The following TTBK2 variants were observed in gnomAD, a reference collection of about 807,000 sequenced individuals.
TTBK2 encodes the protein tau-tubulin kinase 2.
Under a neutral mutation model 110.8 loss-of-function variants are expected in TTBK2, and 28 were observed. That is an observed-to-expected ratio of 0.25 (90% CI 0.19 to 0.35). TTBK2 has a LOEUF of 0.35. Among genes scored for constraint, TTBK2 ranks in the 10% least tolerant of loss-of-function variants. TTBK2 has a pLI of 1.00. For missense variants in TTBK2, 1,369 were observed against 1,500.3 expected (o/e 0.91, Z 1.45); for synonymous variants, 532 against 527.3 (o/e 1.01, Z -0.12).
At chr15:42,774,738 C>T (rs981461568) in intron 13 of TTBK2, among the ~76,000 whole-genome samples, 2 of 152,134 alleles carry the variant, frequency 1.3e-5, no homozygotes, top group Admixed American at 6.6e-5. Flanking sequence ...AGGCTCAGGC[C>T]TCCCAACAGT....
chr15:42,843,498 C>T (rs1004747090), intron 3 of TTBK2, among the ~76,000 whole-genome samples: 10 of 152,062 alleles, frequency 6.6e-5, no homozygotes, highest in African/African-American at 1.7e-4. Flanking sequence ...CAGTGGCTCA[C>T]GCCTGTAATC....
At chr15:42,823,915 T>A (rs1195877917) in intron 6 of TTBK2, among the ~76,000 whole-genome samples, 1 of 152,144 alleles carries the variant, frequency 6.6e-6, no homozygotes, top group African/African-American at 2.4e-5. Context: ...CAGTTCTGCA[T>A]GCAGGTTGTA....
At chr15:42,813,759 T>C (rs1181859672) in intron 7 of TTBK2, among the ~76,000 whole-genome samples, 2 of 148,674 alleles carry the variant, frequency 1.3e-5, no homozygotes, top group Admixed American at 6.7e-5. Context: ...GGCAGGAGAA[T>C]TGCTAGAACC....
At position 42,752,671 on chromosome 15, in the gene TTBK2, T is replaced by C. The variant is rs373859242; in HGVS notation, c.2575A>G (p.Ile859Val). ...ATCTGACCTTCAACATGTGGGTCAATGTCTCTGGAAGAAATTTCTGAAGTT... is the reference window on the plus strand; with the variant it reads ...ATCTGACCTTCAACATGTGGGTCAACGTCTCTGGAAGAAATTTCTGAAGTT... Reference protein sequence around the residue: ...VGTSEISSRDIDPHVEGQIGQ... With the variant: ...VGTSEISSRDVDPHVEGQIGQ... Residue 859 changes from isoleucine to valine, a missense_variant, in exon 14 of 15, where the codon ATT becomes GTT. By Grantham distance (29) the Ile-to-Val change is conservative (BLOSUM62 3). Transcript: ENST00000267890. The C allele has an allele frequency of 6.2e-7, 1 of 1,614,172 alleles. No individual in the cohort carries two copies. The highest frequency in any genetic ancestry group is 2.2e-5 in the East Asian group (1 of 44,886).
intron 1 of TTBK2, among the ~76,000 whole-genome samples, chr15:42,895,508 A>G (rs1895629163): frequency 6.6e-6 from 1 of 152,116 alleles, no homozygotes; most frequent in South Asian, 2.1e-4. Flanking sequence ...AAAGTTAGAA[A>G]GAAAAAAAAT....
chr15:42,815,273 C>G (rs1348957302), intron 7 of TTBK2, among the ~76,000 whole-genome samples: 1 of 151,594 alleles, frequency 6.6e-6, no homozygotes, highest in South Asian at 2.1e-4. Flanking sequence ...TGCTACACAC[C>G]GAGAAAAATA....
chr15:42,758,884 T>C (rs2061983750), intron 13 of TTBK2, among the ~76,000 whole-genome samples: 1 of 152,242 alleles, frequency 6.6e-6, no homozygotes. Context: ...GAGCCTAGTT[T>C]GGAGAGCTGC....
intron 9 of TTBK2, among the ~76,000 whole-genome samples, chr15:42,796,339 G>A (rs770174178): frequency 3.3e-5 from 5 of 152,166 alleles, no homozygotes; most frequent in South Asian, 2.1e-4. Context: ...GGCAGAGACT[G>A]CAGTGAGCCA....
intron 10 of TTBK2, among the ~76,000 whole-genome samples, chr15:42,790,288 A>ATT (rs5812234): frequency 0.027 from 3,870 of 144,368 alleles, 93 homozygotes; most frequent in South Asian, 0.043. Context: ...TTCTTTGTCT[A>ATT]TTTTTTTTTT....
intron 1 of TTBK2, among the ~76,000 whole-genome samples, chr15:42,907,217 T>G (rs770766022): frequency 2.0e-5 from 3 of 152,144 alleles, no homozygotes; most frequent in Non-Finnish European, 4.4e-5. Context: ...GAAACGCTCA[T>G]ACACTGCTGG....
In TTBK2 at chr15:42,899,876, T is replaced by G. The variant is rs546564250; in HGVS notation, c.-68+20562A>C. Among the ~76,000 whole-genome samples the G allele has an allele frequency of 1.5e-4, 22 of 151,068 alleles. No homozygotes were observed. The East Asian group carries it at 4.3e-3, about 30-fold the overall frequency. Reference sequence around the variant, plus strand: ...AAGATCACGCCACTGCACTCCAGCCTGGGCAACAAGAGCGAAACTCCATCT... The same window carrying G: ...AAGATCACGCCACTGCACTCCAGCCGGGGCAACAAGAGCGAAACTCCATCT... On this transcript the variant is annotated intron_variant, in intron 1 of 14. Coordinates refer to ENST00000267890, the MANE Select transcript of TTBK2 (RefSeq NM_173500.4).
intron 14 of TTBK2, 50 bp from the exon 15 acceptor site, chr15:42,746,307 G>A: frequency 7.0e-7 from 1 of 1,437,936 alleles, no homozygotes. Context: ...TTTCAAGTGT[G>A]CCTAAAAAGT....
intron 1 of TTBK2, among the ~76,000 whole-genome samples, chr15:42,895,076 G>C (rs1895614799): frequency 6.6e-6 from 1 of 151,796 alleles, no homozygotes; most frequent in African/African-American, 2.4e-5. Context: ...CCTAATAAAA[G>C]GCATCTAAAA....
Position 42,816,079 on chromosome 15 carries a change from TAAATAA to T in TTBK2, c.603+947_603+952del, listed in dbSNP as rs1302575385. 2.5e-3 allele frequency among the ~76,000 whole-genome samples: 168 copies of T among 67,376 alleles called. 1 individual carries two copies. Among genetic ancestry groups the T allele is most frequent in the Non-Finnish European group, 3.2e-3 (136 of 42,998 alleles). 44.2% of individuals were successfully genotyped at this position (67,376 alleles called of 152,430 possible). Reference sequence around the variant, plus strand: ...AAAAATATATATATATAAAAATAAATAAATAAATATATATATATATATATATATATA... The same window carrying T: ...AAAAATATATATATATAAAAATAAATATATATATATATATATATATATATA... On this transcript the variant is annotated intron_variant, in intron 7 of 14. Coordinates refer to ENST00000267890, the MANE Select transcript of TTBK2 (RefSeq NM_173500.4).
chr15:42,778,456 G>A (rs189444728), intron 11 of TTBK2, among the ~76,000 whole-genome samples: 1 of 152,118 alleles, frequency 6.6e-6, no homozygotes, highest in African/African-American at 2.4e-5. Flanking sequence ...ACAAGGTCAG[G>A]AGTTGGAGAC....
Position 42,775,250 on chromosome 15 carries a change from G to A in TTBK2, c.1883C>T (p.Ala628Val). 6.2e-7 allele frequency: 1 copy of A among 1,614,226 alleles called. No individual in the cohort carries two copies. The highest frequency in any genetic ancestry group is 8.5e-7 in the Non-Finnish European group (1 of 1,180,038). ...LALSAEGPPTAASEQYTDRLE... is the reference protein window; with the variant it reads ...LALSAEGPPTVASEQYTDRLE... ...CCTATCTGTATATTGTTCTGAAGCA[G>A]CAGTAGGAGGACCCTCTGCAGAAAG... Residue 628 changes from alanine (A) to valine (V), a missense_variant, in exon 13 of 15, where the codon GCT (alanine) becomes GTT (valine). Around this residue, in one of 4 missense-constraint regions of TTBK2, gnomAD observed 1,097 missense variants for 1,114.7 expected, o/e 0.98. Coordinates refer to ENST00000267890, the MANE Select transcript of TTBK2 (RefSeq NM_173500.4).
intron 9 of TTBK2, among the ~76,000 whole-genome samples, chr15:42,806,581 G>A (rs1891478273): frequency 6.6e-6 from 1 of 152,160 alleles, no homozygotes; most frequent in Non-Finnish European, 1.5e-5. Flanking sequence ...TTTATTGTCT[G>A]ACCATACTTG....
intron 10 of TTBK2, among the ~76,000 whole-genome samples, chr15:42,789,102 C>T (rs1489905071): frequency 6.6e-6 from 1 of 152,096 alleles, no homozygotes; most frequent in Non-Finnish European, 1.5e-5. Flanking sequence ...TCTGAAAATA[C>T]AATTTTATAA....
intron 1 of TTBK2, among the ~76,000 whole-genome samples, chr15:42,915,430 G>C (rs1296012515): frequency 6.6e-6 from 1 of 152,106 alleles, no homozygotes; most frequent in Non-Finnish European, 1.5e-5. Flanking sequence ...TACGATAACT[G>C]TTCTATTTTA....
Sources: allele counts gnomAD v4.1 joint callset (sites outside exome capture counted in the v4.1 genomes callset), GRCh38; gene constraint gnomAD v4.1.1; regional missense constraint gnomAD v4.1.1; transcripts MANE v1.5; gene names NCBI Gene and HGNC (gene_info 2026-07-23, HGNC 2026-07-21).